The following MFRP variants were observed in gnomAD, a reference collection of about 807,000 sequenced individuals.
The protein encoded by MFRP is membrane frizzled-related protein.
Under a neutral mutation model 65.8 loss-of-function variants are expected in MFRP, and 74 were observed. That is an observed-to-expected ratio of 1.12 (90% CI 0.93 to 1.36). MFRP has a LOEUF of 1.36. Among genes scored for constraint, MFRP ranks in the 40% most tolerant of loss-of-function variants. MFRP has a pLI of 0.00. For missense variants in MFRP, 838 were observed against 736.0 expected (o/e 1.14, Z -1.60); for synonymous variants, 336 against 288.3 (o/e 1.17, Z -1.68).
rs778144527 is a variant in MFRP at position 119,344,874 on chromosome 11, C to A, written c.772G>T (p.Gly258Trp). ...AWYQAMAPGRGSCAHDEFRCD... is the reference protein window; with the variant it reads ...AWYQAMAPGRWSCAHDEFRCD... ...AACAGGCAGGTGGGAACACACTCAC[C>A]GCGCCCAGGGGCCATAGCCTGGTAC... is the stretch of plus-strand genomic sequence containing the variant. Residue 258 changes from glycine (G) to tryptophan (W), a missense_variant and splice_region_variant, in exon 6 of 15, where the codon GGG becomes TGG. Physicochemically the swap from Gly to Trp is radical, Grantham distance 184. Coordinates refer to ENST00000619721, the MANE Select transcript of MFRP (RefSeq NM_031433.4). The A allele has an allele frequency of 1.2e-6, 2 of 1,613,200 alleles. No homozygotes were observed. The highest frequency in any genetic ancestry group is 1.7e-6 in the Non-Finnish European group (2 of 1,179,948).
chr11:119,346,469 T>A lies in MFRP; in HGVS notation c.45A>T (p.Glu15Asp), dbSNP rs1800798118. ...SDVILCMEATESSKTEFCNPA... is the reference protein window; with the variant it reads ...SDVILCMEATDSSKTEFCNPA... ...TCTATGTGGTCCTTACCTTGCTCGA[T>A]TCTGTTGCCTCCATGCAGAGGATGA... The change falls in exon 1 of 15, where the codon GAA becomes GAT. Residue 15 changes from glutamate (E) to aspartate (D), a missense_variant. Physicochemically the swap from Glu to Asp is conservative, Grantham distance 45. Coordinates refer to ENST00000619721, the MANE Select transcript of MFRP (RefSeq NM_031433.4). 2 of 1,613,972 alleles carry A rather than the reference T, an allele frequency of 1.2e-6. No individual in the cohort carries two copies. The highest frequency in any genetic ancestry group is 2.7e-5 in the African/African-American group (2 of 74,894).
chr11:119,340,614 C>T (rs1346780660), intron 13 of MFRP, 81 bp downstream of exon 13: 2 of 559,918 alleles, frequency 3.6e-6, no homozygotes, highest in Non-Finnish European at 6.2e-6. Flanking sequence ...GAGCGGCCAG[C>T]CCTCCCTCCC....
In MFRP at chr11:119,345,922, T is replaced by C. The variant is rs770841101; in HGVS notation, c.278A>G (p.Gln93Arg). 20 of 1,613,558 alleles carry C rather than the reference T, an allele frequency of 1.2e-5. No homozygotes were observed. In the South Asian group the frequency reaches 1.8e-4, roughly 14 times the overall value. The change falls in exon 4 of 15, where the codon CAG becomes CGG. Residue 93 changes from glutamine to arginine, a missense_variant. Transcript: ENST00000619721. Reference protein sequence around the residue: ...LLVAIILAQLQAAPPSGASHS... With the variant: ...LLVAIILAQLRAAPPSGASHS... ...GGACGCCCCAGATGGGGGTGCAGCCTGCAGCTCTGGAGGCGAGAAGATGGA... is the reference window on the plus strand; with the variant it reads ...GGACGCCCCAGATGGGGGTGCAGCCCGCAGCTCTGGAGGCGAGAAGATGGA...
At position 119,344,775 on chromosome 11, in the gene MFRP, G is replaced by A; in HGVS notation, c.773-18C>T. The A allele has an allele frequency of 1.9e-6, 3 of 1,613,910 alleles. No individual in the cohort carries two copies. The South Asian group carries it at 3.3e-5, about 18-fold the overall frequency. ...ACAGCTCCCTGGATGTGGGCACCAG[G>A]AGTCAGGGAGGCCCGGAGTCTCCAC... On this transcript the variant is annotated intron_variant, in intron 6 of 14. Transcript: ENST00000619721.
rs1484207842 is a variant in MFRP, at chr11:119,343,806, G to A, written c.1124+10C>T. 5.0e-6 allele frequency: 8 copies of A among 1,613,656 alleles called. No individual in the cohort carries two copies. The highest frequency in any genetic ancestry group is 1.3e-5 in the African/African-American group (1 of 74,888). On this transcript the variant is annotated intron_variant, in intron 9 of 14. Transcript: ENST00000619721. ...TGGAGTTATCCATGGCTCTTCCCTG[G>A]CTCCTGTACCTGCCCAGGAGGCTGA...
At chr11:119,343,633 G>A (rs541535800) in intron 9 of MFRP, among the ~76,000 whole-genome samples, 183 bp downstream of exon 9, 21 of 152,342 alleles carry the variant, frequency 1.4e-4, no homozygotes, top group African/African-American at 4.8e-4. Flanking sequence ...CTGGGGACAG[G>A]GAGAGTGTGG....
Position 119,343,865 on chromosome 11 carries a change from C to A in MFRP, c.1075G>T (p.Val359Leu), listed in dbSNP as rs759510004. 13 of 1,613,852 alleles carry A rather than the reference C, an allele frequency of 8.1e-6. No homozygotes were observed. In the South Asian group the frequency reaches 1.4e-4, roughly 18 times the overall value. The change falls in exon 9 of 15, where the codon GTG (valine) becomes TTG (leucine). Residue 359 changes from valine to leucine, a missense_variant. By Grantham distance (32) the Val-to-Leu change is conservative (BLOSUM62 1). Transcript: ENST00000619721. The part of the protein sequence containing the change: ...EAQDECKFDY[V>L]EVYETSSSGA... ...GAGCTGCTGGTCTCATACACCTCCA[C>A]GTAGTCAAACTTGCACTCGTCCTGA...
At chr11:119,342,438 T>C (rs1014470920) in intron 11 of MFRP, among the ~76,000 whole-genome samples, 158 bp downstream of exon 11, 1 of 152,182 alleles carries the variant, frequency 6.6e-6, no homozygotes, top group Non-Finnish European at 1.5e-5. Flanking sequence ...GCCGACTGTC[T>C]TCCAGGACTC....
At chr11:119,345,096 A>AC in intron 5 of MFRP, 92 bp from the exon 6 acceptor site, 1 of 1,498,566 alleles carries the variant, frequency 6.7e-7, no homozygotes, top group East Asian at 2.4e-5. Context: ...TATTTTCTCA[A>AC]CCCCCAAACT....
chr11:119,342,878 G>A lies in MFRP; in HGVS notation c.1250C>T (p.Thr417Met), dbSNP rs767672258. The change falls in exon 10 of 15, where the codon ACG becomes ATG. Residue 417 changes from threonine (T) to methionine (M), a missense_variant. Physicochemically the swap from Thr to Met is moderately conservative, Grantham distance 81 (BLOSUM62 -1). Transcript: ENST00000619721. ...ACTTGCCCAGGGGCACCTACTCTCC[G>A]TGGCATTGAAGGCCAGGTAGGTGGC... ...FSATYLAFNA[T>M]ENPCGPSELS... is the part of the protein sequence containing the mutation. 68 of 1,612,948 alleles carry A rather than the reference G, an allele frequency of 4.2e-5. No individual in the cohort carries two copies. The highest frequency in any genetic ancestry group is 4.2e-5 in the Non-Finnish European group (49 of 1,179,950).
chr11:119,344,893 C>T lies in MFRP; in HGVS notation c.753G>A (p.Gln251=). The part of the protein sequence containing the change: ...VEGFGFHAWY[Q]AMAPGRGSCA... ...ACTCACCGCGCCCAGGGGCCATAGC[C>T]TGGTACCAGGCATGGAAACCAAATC... Residue 251 remains glutamine, a synonymous_variant, in exon 6 of 15, where the codon CAG becomes CAA. Transcript: ENST00000619721. The T allele has an allele frequency of 1.2e-6, 2 of 1,613,012 alleles. No individual in the cohort carries two copies. Among genetic ancestry groups the T allele is most frequent in the Non-Finnish European group, 1.7e-6 (2 of 1,179,848 alleles).
intron 13 of MFRP, 121 bp from the exon 14 acceptor site, chr11:119,340,561 A>C (rs1950492685): frequency 1.4e-6 from 1 of 705,312 alleles, no homozygotes; most frequent in Non-Finnish European, 2.3e-6. Context: ...GAGCGCTCGC[A>C]GGGCCGAGCA....
intron 10 of MFRP, 54 bp downstream of exon 10, chr11:119,342,819 T>C: frequency 6.2e-7 from 1 of 1,613,108 alleles, no homozygotes; most frequent in Non-Finnish European, 8.5e-7. Flanking sequence ...AGCCCTTGTC[T>C]GTCCCCCTGG....
Position 119,342,863 on chromosome 11 carries a change from G to T in MFRP, c.1255+10C>A, listed in dbSNP as rs764657694. Reference sequence around the variant, plus strand: ...CTACTGCCCCCACCCACTTGCCCAGGGGCACCTACTCTCCGTGGCATTGAA... The same window carrying T: ...CTACTGCCCCCACCCACTTGCCCAGTGGCACCTACTCTCCGTGGCATTGAA... On this transcript the variant is annotated intron_variant, in intron 10 of 14. Transcript: ENST00000619721. 1.2e-6 allele frequency: 2 copies of T among 1,612,958 alleles called. No individual in the cohort carries two copies. The highest frequency in any genetic ancestry group is 3.3e-5 in the Admixed American group (2 of 59,996).
chr11:119,339,118 G>T lies in MFRP; in HGVS notation c.*1841C>A. 1.7e-6 allele frequency: 1 copy of T among 605,476 alleles called. No homozygotes were observed. The highest frequency in any genetic ancestry group is 2.9e-6 in the Non-Finnish European group (1 of 349,268). The allele number at this position is 605,476 out of a possible 1,614,324, so 37.5% of individuals were successfully genotyped here. A position where few individuals can be genotyped will look rare whatever the true frequency, so the allele number is the denominator to read the frequency against. The stretch of plus-strand genomic sequence containing the variant: ...CAGCACAGCACACTCCTCTGGTCTT[G>T]GGCAGAAATCCAGCCACTGCCCCAT... On this transcript the variant is annotated 3_prime_UTR_variant, in exon 15 of 15. Coordinates refer to ENST00000619721, the MANE Select transcript of MFRP (RefSeq NM_031433.4). The surrounding 1 kb of genome is among the most constrained non-coding windows in gnomAD (Gnocchi z 5.4).
rs1461179505 is a variant in MFRP at position 119,339,842 on chromosome 11, G to A, written c.*1117C>T. On this transcript the variant is annotated 3_prime_UTR_variant, in exon 15 of 15. Transcript: ENST00000619721. This position sits in a 1 kb window ranked among gnomAD's most constrained non-coding sequence, Gnocchi z 5.4. ...CGGCCCGGGGTCCCCTCGAGGTCCC[G>A]GCAGTCCTGCGGGGTAAGCGGGGCG... The A allele has an allele frequency of 2.7e-6, 4 of 1,492,156 alleles. No homozygotes were observed. Among genetic ancestry groups the A allele is most frequent in the Non-Finnish European group, 2.7e-6 (3 of 1,128,488 alleles). 92.4% of individuals were successfully genotyped at this position (1,492,156 alleles called of 1,614,324 possible). A position where few individuals can be genotyped will look rare whatever the true frequency, so the allele number is the denominator to read the frequency against.
Position 119,341,317 on chromosome 11 carries a change from G to A in MFRP, c.*231C>T. 1.7e-6 allele frequency: 1 copy of A among 579,332 alleles called. No individual in the cohort carries two copies. Among genetic ancestry groups the A allele is most frequent in the Non-Finnish European group, 3.1e-6 (1 of 325,250 alleles). 35.9% of individuals were successfully genotyped at this position (579,332 alleles called of 1,614,324 possible). On this transcript the variant is annotated 3_prime_UTR_variant, in exon 13 of 15. Coordinates refer to ENST00000619721, the MANE Select transcript of MFRP (RefSeq NM_031433.4). ...TGGGAAGTGGTCTCGATTGTCCGGTGGCACAGTGTGGGGCCAGTCAGCAGC... is the reference window on the plus strand; with the variant it reads ...TGGGAAGTGGTCTCGATTGTCCGGTAGCACAGTGTGGGGCCAGTCAGCAGC...
In MFRP at chr11:119,340,746, C is replaced by T; in HGVS notation, c.*802G>A. The stretch of plus-strand genomic sequence containing the variant: ...CCTTCGGGGCGCTCGCTACTCCGGA[C>T]CCTCCAGTTGGTGGTGCTCCAGCCC... On this transcript the variant is annotated 3_prime_UTR_variant, in exon 13 of 15. Coordinates refer to ENST00000619721, the MANE Select transcript of MFRP (RefSeq NM_031433.4). The T allele has an allele frequency of 3.0e-6, 1 of 334,794 alleles. No homozygotes were observed. Among genetic ancestry groups the T allele is most frequent in the Non-Finnish European group, 5.5e-6 (1 of 180,434 alleles). The allele number at this position is 334,794 out of a possible 1,614,324, so 20.7% of individuals were successfully genotyped here.
rs1950572235 is a variant in MFRP at position 119,346,478 on chromosome 11, C to T, written c.36G>A (p.Glu12=). ...KDFSDVILCM[E]ATESSKTEFC... ...TCCTTACCTTGCTCGATTCTGTTGC[C>T]TCCATGCAGAGGATGACATCTGAGA... Residue 12 remains glutamate (E), a synonymous_variant, in exon 1 of 15, where the codon GAG becomes GAA. Coordinates refer to ENST00000619721, the MANE Select transcript of MFRP (RefSeq NM_031433.4). 2 of 1,614,140 alleles carry T rather than the reference C, an allele frequency of 1.2e-6. No individual in the cohort carries two copies. The highest frequency in any genetic ancestry group is 1.7e-6 in the Non-Finnish European group (2 of 1,180,020).
Sources: gnomAD v4.1 joint callset for allele counts (sites outside exome capture counted in the v4.1 genomes callset) on GRCh38, gnomAD v4.1.1 for gene constraint, Gnocchi (gnomAD v3.1) non-coding constraint, MANE v1.5 for transcripts, NCBI Gene and HGNC (gene_info 2026-07-23, HGNC 2026-07-21) for gene names.